CIAPIN1: variants seen among roughly 807,000 people sequenced by gnomAD.
The protein encoded by CIAPIN1 is cytokine induced apoptosis inhibitor 1.
Under a neutral mutation model 34.3 loss-of-function variants are expected in CIAPIN1, and 18 were observed. The ratio of observed to expected loss-of-function variants is 0.52; its 90% confidence interval spans 0.36 to 0.78. CIAPIN1 has a LOEUF of 0.78. Among genes scored for constraint, CIAPIN1 ranks in the 30% least tolerant of loss-of-function variants. CIAPIN1 has a pLI of 0.00. For synonymous variants in CIAPIN1, 131 were observed against 140.4 expected (o/e 0.93, Z 0.47); for missense variants, 310 against 372.5 (o/e 0.83, Z 1.38).
chr16:57,447,325 G>A lies in CIAPIN1; in HGVS notation c.-56+17C>T. 2.2e-6 allele frequency: 1 copy of A among 447,694 alleles called. No individual in the cohort carries two copies. The highest frequency in any genetic ancestry group is 3.7e-6 in the Non-Finnish European group (1 of 271,600). 27.7% of individuals were successfully genotyped at this position (447,694 alleles called of 1,614,324 possible). A position where few individuals can be genotyped will look rare whatever the true frequency, so the allele number is the denominator to read the frequency against. On this transcript the variant is annotated intron_variant, in intron 1 of 8. Transcript: ENST00000394391. Reference sequence around the variant, plus strand: ...TTGAGGGAGCTCTGGCGCTCAGCTGGCCCCCACCACTCTCACCTGCCGCCT... The same window carrying A: ...TTGAGGGAGCTCTGGCGCTCAGCTGACCCCCACCACTCTCACCTGCCGCCT...
Position 57,439,173 on chromosome 16 carries a change from T to A in CIAPIN1, c.310+9A>T, listed in dbSNP as rs1903269733. The stretch of plus-strand genomic sequence containing the variant: ...GTCAAACATGTTTTCCAAGTGAAGA[T>A]CTCCTTACCTACAGCTGTCTCTACT... On this transcript the variant is annotated intron_variant, in intron 3 of 8. Coordinates refer to ENST00000394391, the MANE Select transcript of CIAPIN1 (RefSeq NM_020313.4). 2 of 1,613,104 alleles carry A rather than the reference T, an allele frequency of 1.2e-6. No individual in the cohort carries two copies. Among genetic ancestry groups the A allele is most frequent in the Middle Eastern group, 1.9e-4 (1 of 5,334 alleles).
chr16:57,443,133 GT>G (rs59690029), intron 1 of CIAPIN1, among the ~76,000 whole-genome samples: 41 of 122,284 alleles, frequency 3.4e-4, no homozygotes, highest in Admixed American at 6.0e-4. Flanking sequence ...TTCTGGTTTT[GT>G]TTTTTTTTTT....
rs1442372044 is a variant in CIAPIN1 at position 57,440,767 on chromosome 16, C to A, written c.157+5G>T. 6.2e-7 allele frequency: 1 copy of A among 1,610,082 alleles called. No individual in the cohort carries two copies. Among genetic ancestry groups the A allele is most frequent in the Non-Finnish European group, 8.5e-7 (1 of 1,177,690 alleles). ...CTCATAAAGACAACGTGGGTGGGTA[C>A]TTACATTGCAACAGCTGCTTGATGT... On this transcript the variant is annotated splice_donor_5th_base_variant and intron_variant, in intron 2 of 8. Coordinates refer to ENST00000394391, the MANE Select transcript of CIAPIN1 (RefSeq NM_020313.4).
chr16:57,429,719 C>T (rs576643552), intron 8 of CIAPIN1, among the ~76,000 whole-genome samples: 135 of 151,804 alleles, frequency 8.9e-4, no homozygotes, highest in Non-Finnish European at 1.7e-3. Flanking sequence ...GTCTCGATCT[C>T]CTGACCTCGT....
intron 3 of CIAPIN1, among the ~76,000 whole-genome samples, chr16:57,438,748 G>A (rs1318978344): frequency 6.6e-6 from 1 of 152,110 alleles, no homozygotes; most frequent in Non-Finnish European, 1.5e-5. Context: ...GGCAAACTCT[G>A]ATCTCCACCG....
In CIAPIN1 at chr16:57,447,354, C is replaced by A. The variant is rs376379902; in HGVS notation, c.-68G>T. The A allele has an allele frequency of 1.7e-4, 118 of 683,960 alleles. 3 individuals are homozygous for A. In the South Asian group the frequency reaches 7.5e-3, roughly 43 times the overall value. 42.4% of individuals were successfully genotyped at this position (683,960 alleles called of 1,614,324 possible). On this transcript the variant is annotated 5_prime_UTR_variant, in exon 1 of 9. Coordinates refer to ENST00000394391, the MANE Select transcript of CIAPIN1 (RefSeq NM_020313.4). ...CCACCACTCTCACCTGCCGCCTGGG[C>A]TCGCTCCCGGCTTCTCTCCAGCCGT...
At chr16:57,431,332 T>G in intron 6 of CIAPIN1, 66 bp from the exon 7 acceptor site, 2 of 1,105,394 alleles carry the variant, frequency 1.8e-6, no homozygotes, top group Non-Finnish European at 2.7e-6. Context: ...CTAAAGTGAC[T>G]GCAGGCTTCG....
rs140170193 is a variant in CIAPIN1 at position 57,431,553 on chromosome 16, G to GT, written c.631-288dup. 589 of 215,764 alleles carry GT rather than the reference G, an allele frequency of 2.7e-3. 4 individuals are homozygous for GT. The highest frequency in any genetic ancestry group is 0.013 in the African/African-American group (571 of 44,194). 13.4% of individuals were successfully genotyped at this position (215,764 alleles called of 1,614,324 possible). A position where few individuals can be genotyped will look rare whatever the true frequency, so the allele number is the denominator to read the frequency against. The stretch of plus-strand genomic sequence containing the variant: ...AGCAATGTGTAGAGAATATACACAT[G>GT]TTGGGGGTTGGGGGCAGGAGTGGGG... On this transcript the variant is annotated intron_variant, in intron 6 of 8. Coordinates refer to ENST00000394391, the MANE Select transcript of CIAPIN1 (RefSeq NM_020313.4).
intron 1 of CIAPIN1, chr16:57,441,386 A>G (rs1229398175): frequency 6.5e-6 from 1 of 152,722 alleles, no homozygotes; most frequent in Non-Finnish European, 1.5e-5. Context: ...CACAGATTCA[A>G]TGTTTTTAAA....
At chr16:57,436,516 C>G in intron 4 of CIAPIN1, 140 bp downstream of exon 4, 2 of 509,528 alleles carry the variant, frequency 3.9e-6, no homozygotes, top group Non-Finnish European at 6.9e-6. Flanking sequence ...ACGTGAGCCA[C>G]CACACCCGGC....
intron 1 of CIAPIN1, chr16:57,441,475 T>G (rs1165328537): frequency 6.6e-6 from 1 of 152,654 alleles, no homozygotes; most frequent in African/African-American, 2.4e-5. Flanking sequence ...TTAATTCCAC[T>G]GAATCTGCAG....
Position 57,438,360 on chromosome 16 carries a change from GT to G in CIAPIN1, c.310+821del, listed in dbSNP as rs748976630. ...CAATAATTACCACATCATTCCCAGG[GT>G]TCGGCCACTATTTTTAAACTTTTAA... On this transcript the variant is annotated intron_variant, in intron 3 of 8. Coordinates refer to ENST00000394391, the MANE Select transcript of CIAPIN1 (RefSeq NM_020313.4). Among the ~76,000 whole-genome samples, 21 of 152,164 alleles carry G rather than the reference GT, an allele frequency of 1.4e-4. No individual in the cohort carries two copies. The East Asian group carries it at 2.3e-3, about 17-fold the overall frequency.
chr16:57,428,276 T>C lies in CIAPIN1; in HGVS notation c.*894A>G, dbSNP rs1291409058. ...CTCTCCAAATATTTGGCAAGATTGA[T>C]TCCAAGTCCATATGGGTGGATAACA... On this transcript the variant is annotated 3_prime_UTR_variant, in exon 9 of 9. Coordinates refer to ENST00000394391, the MANE Select transcript of CIAPIN1 (RefSeq NM_020313.4). 6.6e-6 allele frequency: 1 copy of C among 152,182 alleles called. No individual in the cohort carries two copies. The highest frequency in any genetic ancestry group is 1.5e-5 in the Non-Finnish European group (1 of 68,038). The allele number at this position is 152,182 out of a possible 1,614,324, so 9.4% of individuals were successfully genotyped here. A position where few individuals can be genotyped will look rare whatever the true frequency, so the allele number is the denominator to read the frequency against.
intron 1 of CIAPIN1, among the ~76,000 whole-genome samples, chr16:57,444,644 G>T (rs1434052561): frequency 6.6e-6 from 1 of 152,216 alleles, no homozygotes; most frequent in Non-Finnish European, 1.5e-5. Context: ...GGCAAGAGGA[G>T]CTTATGAACT....
chr16:57,432,397 C>T (rs1903107523), intron 6 of CIAPIN1, 90 bp downstream of exon 6: 10 of 1,052,346 alleles, frequency 9.5e-6, no homozygotes, highest in Admixed American at 4.3e-5. Flanking sequence ...AATACGTTCA[C>T]ACCTACAAGT....
chr16:57,442,936 T>C (rs2029902748), intron 1 of CIAPIN1, among the ~76,000 whole-genome samples: 1 of 152,076 alleles, frequency 6.6e-6, no homozygotes, highest in South Asian at 2.1e-4. Context: ...ACCCTTTGCA[T>C]TTTCCCCTCA....
chr16:57,432,725 G>A (rs1479304855), intron 5 of CIAPIN1, among the ~76,000 whole-genome samples, 165 bp from the exon 6 acceptor site: 1 of 152,230 alleles, frequency 6.6e-6, no homozygotes, highest in African/African-American at 2.4e-5. Context: ...GTCTGACCTT[G>A]GGCCAACCAC....
At chr16:57,436,185 C>G (rs1233944349) in intron 4 of CIAPIN1, among the ~76,000 whole-genome samples, 1 of 152,210 alleles carries the variant, frequency 6.6e-6, no homozygotes, top group African/African-American at 2.4e-5. Flanking sequence ...ATGGGCCAAG[C>G]TGAGTCTCTT....
intron 7 of CIAPIN1, 122 bp from the exon 8 acceptor site, chr16:57,430,461 T>C (rs1187161772): frequency 2.4e-6 from 2 of 834,010 alleles, no homozygotes; most frequent in African/African-American, 1.7e-5. Context: ...CTCAGAAGCC[T>C]ATAGGCCAGG....
Sources: allele counts gnomAD v4.1 joint callset (sites outside exome capture counted in the v4.1 genomes callset), GRCh38; gene constraint gnomAD v4.1.1; transcripts MANE v1.5; gene names NCBI Gene and HGNC (gene_info 2026-07-23, HGNC 2026-07-21).